Variants in CTPS1 observed in about 807,000 individuals in gnomAD.
CTPS1 encodes the protein CTP synthase 1.
A neutral mutation model predicts 80.5 loss-of-function variants in CTPS1; 25 were observed. The observed-to-expected ratio is 0.31, with a 90% confidence interval of 0.23 to 0.43. CTPS1 has a LOEUF of 0.43. CTPS1 is among the 20% of genes least tolerant of loss of function. CTPS1 has a pLI of 1.00. For missense variants in CTPS1, 442 were observed against 725.7 expected, an observed-to-expected ratio of 0.61 and a Z score of 4.49; for synonymous variants, 267 against 252.5, an observed-to-expected ratio of 1.06 and a Z score of -0.54.
rs937152841 is a variant in CTPS1, at chr1:40,979,715, T to G, written c.-128T>G. 1 of 152,300 alleles carries G rather than the reference T, an allele frequency of 6.6e-6. No homozygotes were observed. The highest frequency in any genetic ancestry group is 1.5e-5 in the Non-Finnish European group (1 of 68,142). 9.4% of individuals were successfully genotyped at this position (152,300 alleles called of 1,614,324 possible). On this transcript the variant is annotated 5_prime_UTR_variant, in exon 1 of 19. Transcript: ENST00000650070. The stretch of plus-strand genomic sequence containing the variant: ...GCGTGCGCACAGCCTAGAGCCCGCC[T>G]CCGTGAAAGACTGCCGGGCGCATGC...
chr1:40,985,136 G>A (rs745883351), intron 3 of CTPS1, 145 bp downstream of exon 3: 2 of 501,158 alleles, frequency 4.0e-6, no homozygotes, highest in Admixed American at 4.4e-5. Flanking sequence ...TCAAGGTATT[G>A]TTACTGAAAT....
intron 7 of CTPS1, among the ~76,000 whole-genome samples, chr1:40,992,288 C>T (rs1251980971): frequency 6.6e-6 from 1 of 152,168 alleles, no homozygotes; most frequent in African/African-American, 2.4e-5. Context: ...TAACTGCGTC[C>T]TTCACTGGGC....
intron 8 of CTPS1, among the ~76,000 whole-genome samples, chr1:40,996,392 G>A (rs796411904): frequency 6.6e-6 from 1 of 152,082 alleles, no homozygotes; most frequent in Non-Finnish European, 1.5e-5. Context: ...CATATCCAAA[G>A]CCCACACGAA....
chr1:41,009,746 G>C (rs1407725941), intron 17 of CTPS1, among the ~76,000 whole-genome samples, 157 bp downstream of exon 17: 1 of 152,178 alleles, frequency 6.6e-6, no homozygotes, highest in East Asian at 1.9e-4. Context: ...GCTTTCTCAC[G>C]GTGTTTCCCT....
chr1:41,005,465 AAC>A (rs1255033934), intron 12 of CTPS1, among the ~76,000 whole-genome samples: 1 of 152,080 alleles, frequency 6.6e-6, no homozygotes, highest in Non-Finnish European at 1.5e-5. Flanking sequence ...AAAAAAAAAA[AAC>A]TGTCAAAGAT....
chr1:40,993,312 A>G (rs2148400655), intron 7 of CTPS1, among the ~76,000 whole-genome samples: 1 of 152,126 alleles, frequency 6.6e-6, no homozygotes, highest in Non-Finnish European at 1.5e-5. Flanking sequence ...TGGCCTCCCA[A>G]AGTGCTAGGA....
intron 2 of CTPS1, among the ~76,000 whole-genome samples, chr1:40,983,753 G>C (rs1642378757): frequency 1.3e-5 from 2 of 151,912 alleles, no homozygotes; most frequent in South Asian, 4.1e-4. Context: ...CTCCTGAGTA[G>C]CTGGGACTAC....
chr1:40,990,499 T>C (rs1436559244), intron 5 of CTPS1, among the ~76,000 whole-genome samples: 3 of 152,036 alleles, frequency 2.0e-5, no homozygotes, highest in Non-Finnish European at 2.9e-5. Context: ...AAAATTCTAG[T>C]GGAGGCTGAG....
In CTPS1 at chr1:40,996,220, A is replaced by T. The variant is rs1050275175; in HGVS notation, c.872+152A>T. 7.2e-6 allele frequency: 6 copies of T among 828,938 alleles called. No homozygotes were observed. The African/African-American group carries it at 8.6e-5, about 12-fold the overall frequency. The allele number at this position is 828,938 out of a possible 1,614,324, so 51.3% of individuals were successfully genotyped here. ...TTGTAGTAAGAGATGTTCAGAAAGG[A>T]TCTTAGCTGTCACGTAGCTGTGGCA... On this transcript the variant is annotated intron_variant, in intron 8 of 18. Transcript: ENST00000650070.
At chr1:40,985,888 G>C (rs1490158223) in intron 3 of CTPS1, among the ~76,000 whole-genome samples, 2 of 152,142 alleles carry the variant, frequency 1.3e-5, no homozygotes, top group African/African-American at 4.8e-5. Context: ...ACCTCTCTAG[G>C]TTGTTAGGAA....
chr1:40,996,165 A>G (rs1231089181), intron 8 of CTPS1, 97 bp downstream of exon 8: 5 of 1,344,224 alleles, frequency 3.7e-6, no homozygotes, highest in Admixed American at 3.9e-5. Flanking sequence ...GTACTTTTGC[A>G]CTTCTGCCAT....
At chr1:40,981,477 G>C (rs1485374541) in intron 1 of CTPS1, among the ~76,000 whole-genome samples, 1 of 152,186 alleles carries the variant, frequency 6.6e-6, no homozygotes, top group Non-Finnish European at 1.5e-5. Context: ...AACTTAGGGA[G>C]ACCAGGGTAT....
At chr1:40,992,413 G>C (rs1463184499) in intron 7 of CTPS1, among the ~76,000 whole-genome samples, 1 of 152,094 alleles carries the variant, frequency 6.6e-6, no homozygotes, top group Non-Finnish European at 1.5e-5. Context: ...GGAGGGCAAG[G>C]GCCACCTCAT....
chr1:40,997,665 T>C, intron 9 of CTPS1, 139 bp downstream of exon 9: 1 of 1,117,270 alleles, frequency 9.0e-7, no homozygotes. Flanking sequence ...ATTAAAAAGA[T>C]TTGTGGTTGC....
At chr1:41,011,613 T>G (rs912730369) in intron 18 of CTPS1, 45 bp from the exon 19 acceptor site, 1 of 152,216 alleles carries the variant, frequency 6.6e-6, no homozygotes, top group Non-Finnish European at 1.5e-5. Context: ...TTTTCTACTT[T>G]AATGTACATC....
rs1651767873 is a variant in CTPS1, at chr1:40,979,814, C to A, written c.-29C>A. On this transcript the variant is annotated 5_prime_UTR_variant, in exon 1 of 19. The change creates a new upstream start codon in the 5' untranslated region. Coordinates refer to ENST00000650070, the MANE Select transcript of CTPS1 (RefSeq NM_001905.4). ...CCAGCTCTGTCGCTGACGGGAGGATCTGAAGCCGGCCGCAGGTAGGCTGAC... is the reference window on the plus strand; with the variant it reads ...CCAGCTCTGTCGCTGACGGGAGGATATGAAGCCGGCCGCAGGTAGGCTGAC... The A allele has an allele frequency of 6.6e-6, 1 of 152,220 alleles. No homozygotes were observed. The highest frequency in any genetic ancestry group is 2.1e-4 in the South Asian group (1 of 4,840). The allele number at this position is 152,220 out of a possible 1,614,324, so 9.4% of individuals were successfully genotyped here.
chr1:40,986,797 A>G (rs545951382), intron 3 of CTPS1, among the ~76,000 whole-genome samples: 11 of 152,276 alleles, frequency 7.2e-5, no homozygotes, highest in African/African-American at 2.6e-4. Flanking sequence ...ACAGCTTAAC[A>G]GGTGGGGAAA....
intron 1 of CTPS1, chr1:40,980,742 T>G (rs1651846868): frequency 6.6e-6 from 1 of 152,300 alleles, no homozygotes; most frequent in South Asian, 2.1e-4. Flanking sequence ...TTCTTGCGCC[T>G]TCCGTCACCT....
At chr1:41,008,441 T>C (rs1643089138) in intron 14 of CTPS1, among the ~76,000 whole-genome samples, 1 of 152,216 alleles carries the variant, frequency 6.6e-6, no homozygotes, top group African/African-American at 2.4e-5. Flanking sequence ...CTTGTTTCTG[T>C]TACAGCTTTC....
Sources: allele counts gnomAD v4.1 joint callset (sites outside exome capture counted in the v4.1 genomes callset), GRCh38; gene constraint gnomAD v4.1.1; transcripts MANE v1.5; gene names NCBI Gene and HGNC (gene_info 2026-07-23, HGNC 2026-07-21).